Variants in ATP9A observed in about 807,000 individuals in gnomAD.
ATP9A encodes ATPase phospholipid transporting 9A, also known as probable phospholipid-transporting ATPase IIA.
A neutral mutation model predicts 144.1 loss-of-function variants in ATP9A; 52 were observed. The ratio of observed to expected loss-of-function variants is 0.36; its 90% CI spans 0.29 to 0.45. The LOEUF is 0.45. ATP9A is among the 20% of genes least tolerant of loss of function. The pLI, the probability that ATP9A is intolerant of heterozygous loss-of-function variation, is 1.00. For missense variants in ATP9A, 947 were observed against 1,392.7 expected, an observed-to-expected ratio of 0.68 and a Z score of 5.09; for synonymous variants, 582 against 557.4, an observed-to-expected ratio of 1.04 and a Z score of -0.62.
intron 9 of ATP9A, among the ~76,000 whole-genome samples, chr20:51,678,157 G>C (rs2077485030): frequency 6.8e-6 from 1 of 146,852 alleles, no homozygotes. Context: ...GCAGTGGGGG[G>C]CAGGCAGTTT....
At chr20:51,750,426 C>G (rs1381887552) in intron 1 of ATP9A, among the ~76,000 whole-genome samples, 2 of 152,172 alleles carry the variant, frequency 1.3e-5, no homozygotes, top group Non-Finnish European at 2.9e-5. Context: ...GTCATAGGTT[C>G]TAACACAGAC....
chr20:51,657,137 G>C lies in ATP9A; in HGVS notation c.1307C>G (p.Pro436Arg). 1 of 1,614,034 alleles carries C rather than the reference G, an allele frequency of 6.2e-7. No individual in the cohort carries two copies. The highest frequency in any genetic ancestry group is 8.5e-7 in the Non-Finnish European group (1 of 1,179,946). Residue 436 changes from proline to arginine, a missense_variant, in exon 14 of 28, where the codon CCA becomes CGA. Around this residue, in one of 2 missense-constraint regions of ATP9A, gnomAD observed 770 missense variants for 1,047.9 expected, o/e 0.73. Coordinates refer to ENST00000338821, the MANE Select transcript of ATP9A (RefSeq NM_006045.3). The stretch of plus-strand genomic sequence containing the variant: ...GAGCGTTGGGCCCTTCTGAGCCGGT[G>C]GGTCCTGGGATTGCTACAGGAAGGA... ...FSIYTQQSQD[P>R]PAQKGPTLTT...
At chr20:51,701,419 T>C (rs936832750) in intron 4 of ATP9A, among the ~76,000 whole-genome samples, 3 of 152,190 alleles carry the variant, frequency 2.0e-5, no homozygotes, top group Admixed American at 2.0e-4. Flanking sequence ...TAATTAAAAT[T>C]AGCTCAAATT....
chr20:51,728,160 T>C (rs1281047717), intron 2 of ATP9A, among the ~76,000 whole-genome samples: 1 of 152,120 alleles, frequency 6.6e-6, no homozygotes, highest in African/African-American at 2.4e-5. Context: ...CTTGAGCCAC[T>C]CTGGTGACTT....
At chr20:51,617,842 G>A (rs761570115) in intron 21 of ATP9A, among the ~76,000 whole-genome samples, 11 of 152,192 alleles carry the variant, frequency 7.2e-5, no homozygotes, top group African/African-American at 9.7e-5. Flanking sequence ...CTCGGAGGCC[G>A]GGATACCCCA....
intron 21 of ATP9A, among the ~76,000 whole-genome samples, chr20:51,618,241 CCT>C (rs1412072084): frequency 6.6e-6 from 1 of 151,778 alleles, no homozygotes; most frequent in East Asian, 1.9e-4. Context: ...AAAGGTGACC[CCT>C]TTTAGTCTTC....
At chr20:51,740,244 T>C (rs906914706) in intron 1 of ATP9A, among the ~76,000 whole-genome samples, 2 of 150,854 alleles carry the variant, frequency 1.3e-5, no homozygotes, top group African/African-American at 4.9e-5. Context: ...TTTTGTAGAG[T>C]CAGGGGTCTC....
intron 15 of ATP9A, among the ~76,000 whole-genome samples, chr20:51,632,318 G>A (rs1052645451): frequency 6.6e-6 from 1 of 152,194 alleles, no homozygotes; most frequent in Non-Finnish European, 1.5e-5. Context: ...GTTGGCTCAA[G>A]TGATCCTCCT....
intron 1 of ATP9A, among the ~76,000 whole-genome samples, chr20:51,730,399 C>A (rs1432982486): frequency 6.6e-6 from 1 of 152,166 alleles, no homozygotes; most frequent in Admixed American, 6.5e-5. Flanking sequence ...AACCAAGAGG[C>A]GGAGGTCGCA....
chr20:51,686,968 CAA>C (rs796420290), intron 9 of ATP9A, among the ~76,000 whole-genome samples: 26 of 146,156 alleles, frequency 1.8e-4, no homozygotes, highest in African/African-American at 6.1e-4. Context: ...TACAAAGAAA[CAA>C]AAGAGACAGA....
In ATP9A at chr20:51,648,266, C is replaced by T. The variant is rs539719596; in HGVS notation, c.1506+8672G>A. ...CAACCTCGTAGCCGCAGAAGGACCG[C>T]GAGATTGCCTGCCCTCCCCGGCACC... On this transcript the variant is annotated intron_variant, in intron 14 of 27. Transcript: ENST00000338821. 7.2e-5 allele frequency among the ~76,000 whole-genome samples: 11 copies of T among 152,290 alleles called. No individual in the cohort carries two copies. The East Asian group carries it at 1.9e-3, about 27-fold the overall frequency.
chr20:51,645,272 C>A (rs1367458710), intron 14 of ATP9A, among the ~76,000 whole-genome samples: 1 of 152,294 alleles, frequency 6.6e-6, no homozygotes, highest in East Asian at 1.9e-4. Context: ...GTAATCCCAG[C>A]ACTTTGGGAA....
At position 51,596,570 on chromosome 20, in the gene ATP9A, G is replaced by T. The variant is rs772747958; in HGVS notation, c.*4641C>A. 1 of 152,052 alleles carries T rather than the reference G, an allele frequency of 6.6e-6. No homozygotes were observed. The highest frequency in any genetic ancestry group is 1.5e-5 in the Non-Finnish European group (1 of 68,034). 9.4% of individuals were successfully genotyped at this position (152,052 alleles called of 1,614,324 possible). ...CCTTTTGAAATTCTGACACGTCTGG[G>T]ATGGACAATAGTACAAAATAATAAA... On this transcript the variant is annotated 3_prime_UTR_variant, in exon 28 of 28. Coordinates refer to ENST00000338821, the MANE Select transcript of ATP9A (RefSeq NM_006045.3).
intron 14 of ATP9A, among the ~76,000 whole-genome samples, chr20:51,641,949 T>C (rs1157131635): frequency 1.3e-5 from 2 of 151,566 alleles, no homozygotes; most frequent in Non-Finnish European, 2.9e-5. Context: ...CTGCCTCCCC[T>C]ACTCCCCCTA....
rs142891424 is a variant in ATP9A at position 51,666,510 on chromosome 20, G to A, written c.1293+3487C>T. On this transcript the variant is annotated intron_variant, in intron 13 of 27. Transcript: ENST00000338821. ...AGCCAGGCCAACATGGTGAAACCCC[G>A]TCTCTACTAAAAATATAAAAATTAG... Among the ~76,000 whole-genome samples, 662 of 152,008 alleles carry A rather than the reference G, an allele frequency of 4.4e-3. 8 individuals carry two copies. The highest frequency in any genetic ancestry group is 0.015 in the African/African-American group (620 of 41,468).
intron 14 of ATP9A, 32 bp downstream of exon 14, chr20:51,656,906 C>T: frequency 6.3e-7 from 1 of 1,592,940 alleles, no homozygotes; most frequent in Non-Finnish European, 8.6e-7. Context: ...AGCAGGGCCT[C>T]CCCATGCCTT....
chr20:51,762,290 A>T (rs2077884183), intron 1 of ATP9A, among the ~76,000 whole-genome samples: 1 of 152,068 alleles, frequency 6.6e-6, no homozygotes, highest in South Asian at 2.1e-4. Flanking sequence ...CATGAGGTCA[A>T]GAGATCGAGA....
chr20:51,699,815 G>A (rs1201649465), intron 4 of ATP9A, among the ~76,000 whole-genome samples: 1 of 151,854 alleles, frequency 6.6e-6, no homozygotes, highest in Non-Finnish European at 1.5e-5. Context: ...GCTAATTTTT[G>A]TAGTTTTAGT....
intron 4 of ATP9A, among the ~76,000 whole-genome samples, chr20:51,704,778 C>T (rs2077608323): frequency 6.6e-6 from 1 of 151,988 alleles, no homozygotes; most frequent in African/African-American, 2.4e-5. Flanking sequence ...GAAACTCCAT[C>T]TCAAAACAAA....
Sources: gnomAD v4.1 joint callset for allele counts (sites outside exome capture counted in the v4.1 genomes callset) on GRCh38, gnomAD v4.1.1 for gene constraint, gnomAD v4.1.1 regional missense constraint, MANE v1.5 for transcripts, NCBI Gene and HGNC (gene_info 2026-07-23, HGNC 2026-07-21) for gene names.